The following PAMR1 variants were observed in gnomAD, a reference collection of about 807,000 sequenced individuals.
PAMR1 encodes the protein peptidase domain containing associated with muscle regeneration 1, also known as inactive serine protease PAMR1.
Under a neutral mutation model 81.8 loss-of-function variants are expected in PAMR1, and 88 were observed. The observed-to-expected ratio is 1.08, with a 90% CI of 0.91 to 1.28. PAMR1 has a LOEUF of 1.28. PAMR1 is among the 50% of genes most tolerant of loss of function. The pLI is 0.00. For synonymous variants in PAMR1, 336 were observed against 345.3 expected (o/e 0.97, Z 0.30); for missense variants, 935 against 919.7 (o/e 1.02, Z -0.21).
chr11:35,432,743 C>G lies in PAMR1; in HGVS notation c.1776G>C (p.Gln592His). ...AASRDLSTSFQESHITVAGWN... is the reference protein window; with the variant it reads ...AASRDLSTSFHESHITVAGWN... ...AGCCAGCCACAGTGATGTGGGACTC[C>G]TGGAAGGAAGTGCTGAGATCCCGAC... Residue 592 changes from glutamine to histidine, a missense_variant, in exon 11 of 11, where the codon CAG becomes CAC. By Grantham distance (24) the Gln-to-His change is conservative. Coordinates refer to ENST00000619888, the MANE Select transcript of PAMR1 (RefSeq NM_001001991.3). The G allele has an allele frequency of 1.9e-6, 3 of 1,614,066 alleles. No homozygotes were observed. In the South Asian group the frequency reaches 3.3e-5, roughly 18 times the overall value.
intron 6 of PAMR1, among the ~76,000 whole-genome samples, chr11:35,464,604 G>T (rs922238756): frequency 1.9e-4 from 29 of 152,276 alleles, no homozygotes; most frequent in African/African-American, 6.7e-4. Flanking sequence ...AGTAGAGATG[G>T]AGAGCAAAAT....
At chr11:35,524,867 G>C (rs1851355611) in intron 1 of PAMR1, among the ~76,000 whole-genome samples, 1 of 152,198 alleles carries the variant, frequency 6.6e-6, no homozygotes. Flanking sequence ...AAAGAAGCCA[G>C]AGCTCTTTCA....
At chr11:35,455,691 T>C (rs1162246488) in intron 6 of PAMR1, among the ~76,000 whole-genome samples, 1 of 152,204 alleles carries the variant, frequency 6.6e-6, no homozygotes, top group African/African-American at 2.4e-5. Context: ...TTATTAACTA[T>C]TGATTTGATT....
intron 1 of PAMR1, among the ~76,000 whole-genome samples, chr11:35,524,393 T>C (rs1851345827): frequency 6.6e-6 from 1 of 152,182 alleles, no homozygotes; most frequent in Non-Finnish European, 1.5e-5. Context: ...AGCTTTTCGT[T>C]GATCATGAAG....
In PAMR1 at chr11:35,521,075, T is replaced by C. The variant is rs140496276; in HGVS notation, c.73+4438A>G. 2.6e-3 allele frequency among the ~76,000 whole-genome samples: 395 copies of C among 152,300 alleles called. 2 individuals carry two copies. The highest frequency in any genetic ancestry group is 4.8e-3 in the Non-Finnish European group (328 of 68,032). On this transcript the variant is annotated intron_variant, in intron 1 of 10. Transcript: ENST00000619888. ...TGCTTCTGGGCTCCCATGTCTAAGG[T>C]GCTTTGTTCACAGGTTATTGACCCA...
At chr11:35,469,068 A>C (rs1856805821) in intron 5 of PAMR1, among the ~76,000 whole-genome samples, 1 of 152,244 alleles carries the variant, frequency 6.6e-6, no homozygotes, top group Admixed American at 6.5e-5. Flanking sequence ...AGAAGAGGCA[A>C]TGCTACAAGA....
At chr11:35,487,974 C>T (rs1850542009) in intron 3 of PAMR1, among the ~76,000 whole-genome samples, 1 of 152,164 alleles carries the variant, frequency 6.6e-6, no homozygotes, top group African/African-American at 2.4e-5. Context: ...AGATATGCTA[C>T]CTATAAATAA....
chr11:35,488,906 C>T (rs1218567814), intron 3 of PAMR1, among the ~76,000 whole-genome samples: 2 of 152,026 alleles, frequency 1.3e-5, no homozygotes, highest in South Asian at 2.1e-4. Flanking sequence ...CTCAGGTCAC[C>T]AATCGCATGC....
At chr11:35,485,834 G>C (rs1850489731) in intron 3 of PAMR1, among the ~76,000 whole-genome samples, 2 of 152,130 alleles carry the variant, frequency 1.3e-5, no homozygotes, top group Admixed American at 1.3e-4. Context: ...GAGACACTCA[G>C]AAGGAAGCGC....
intron 4 of PAMR1, among the ~76,000 whole-genome samples, chr11:35,472,986 G>A (rs1850216283): frequency 6.6e-6 from 1 of 152,178 alleles, no homozygotes; most frequent in South Asian, 2.1e-4. Context: ...GGCAGAGCTG[G>A]CAGGAGTGGA....
At chr11:35,441,811 A>C in intron 6 of PAMR1, 118 bp from the exon 7 acceptor site, 1 of 602,974 alleles carries the variant, frequency 1.7e-6, no homozygotes, top group Non-Finnish European at 2.8e-6. Context: ...TGGTGCTCAA[A>C]AGAATTACTA....
intron 1 of PAMR1, among the ~76,000 whole-genome samples, chr11:35,523,698 G>A (rs1350828883): frequency 6.6e-6 from 1 of 152,190 alleles, no homozygotes; most frequent in Non-Finnish European, 1.5e-5. Flanking sequence ...TTCACTCCTT[G>A]AGGAAATATT....
chr11:35,448,124 A>C (rs1038720681), intron 6 of PAMR1, among the ~76,000 whole-genome samples: 2 of 152,012 alleles, frequency 1.3e-5, no homozygotes, highest in African/African-American at 2.4e-5. Context: ...TGTGTCTTGG[A>C]GTTGACATTC....
upstream of PAMR1, among the ~76,000 whole-genome samples, chr11:35,526,239 C>CTA (rs1235822573): frequency 5.3e-5 from 8 of 152,202 alleles, no homozygotes; most frequent in Non-Finnish European, 1.2e-4. Flanking sequence ...TTTCCTCTTC[C>CTA]TATGATCCCC....
chr11:35,454,110 T>C (rs978643455), intron 6 of PAMR1, among the ~76,000 whole-genome samples: 2 of 152,208 alleles, frequency 1.3e-5, no homozygotes, highest in Non-Finnish European at 2.9e-5. Context: ...CAGAAGCATA[T>C]GTGATGGCTT....
chr11:35,476,343 C>T (rs1850284317), intron 3 of PAMR1, among the ~76,000 whole-genome samples: 1 of 152,182 alleles, frequency 6.6e-6, no homozygotes, highest in African/African-American at 2.4e-5. Context: ...CCCCACATGT[C>T]ATAGGAGGGA....
intron 6 of PAMR1, among the ~76,000 whole-genome samples, chr11:35,456,436 T>C (rs1021482322): frequency 6.6e-6 from 1 of 152,218 alleles, no homozygotes; most frequent in Non-Finnish European, 1.5e-5. Context: ...GGTAGAATGC[T>C]GAGTTAAACG....
intron 2 of PAMR1, among the ~76,000 whole-genome samples, chr11:35,492,390 G>A (rs980873964): frequency 3.9e-5 from 6 of 152,138 alleles, no homozygotes; most frequent in African/African-American, 1.4e-4. Context: ...TGGTCTCAAC[G>A]AGTATCCCAG....
intron 3 of PAMR1, among the ~76,000 whole-genome samples, chr11:35,483,271 C>T (rs916907218): frequency 6.6e-6 from 1 of 151,892 alleles, no homozygotes; most frequent in Non-Finnish European, 1.5e-5. Flanking sequence ...CTCCTCCTTC[C>T]CCCAGCTTCC....
Sources: gnomAD v4.1 joint callset for allele counts (sites outside exome capture counted in the v4.1 genomes callset) on GRCh38, gnomAD v4.1.1 for gene constraint, MANE v1.5 for transcripts, NCBI Gene and HGNC (gene_info 2026-07-23, HGNC 2026-07-21) for gene names.